Variants in KAT2B observed in about 807,000 individuals in gnomAD.
KAT2B encodes lysine acetyltransferase 2B, also known as histone acetyltransferase KAT2B.
A neutral mutation model predicts 105.9 loss-of-function variants in KAT2B; 36 were observed. The ratio of observed to expected loss-of-function variants is 0.34; its 90% CI spans 0.26 to 0.45. The LOEUF is 0.45. Ranked by LOEUF, KAT2B falls within the 20% of genes least tolerant of loss-of-function variation. KAT2B has a pLI of 1.00. For missense variants in KAT2B, 820 were observed against 1,021.6 expected, an observed-to-expected ratio of 0.80 and a Z score of 2.69; for synonymous variants, 397 against 377.9, an observed-to-expected ratio of 1.05 and a Z score of -0.59.
At chr3:20,147,161 CA>C (rs747019337) in intron 14 of KAT2B, among the ~76,000 whole-genome samples, 11 of 152,106 alleles carry the variant, frequency 7.2e-5, no homozygotes, top group Non-Finnish European at 1.6e-4. Flanking sequence ...TAAACAAAAT[CA>C]AACAAGCAAA....
rs751463932 is a variant in KAT2B, at chr3:20,040,692, C to T, written c.215C>T (p.Ser72Leu). 15 of 1,574,240 alleles carry T rather than the reference C, an allele frequency of 9.5e-6. No homozygotes were observed. Among genetic ancestry groups the T allele is most frequent in the Middle Eastern group, 1.7e-4 (1 of 5,756 alleles). ...GCCGAAGGACCGGGAGGCGGTGGCT[C>T]GGCCCGAATCGCCGTGAAGAAAGCG... The part of the protein sequence containing the change: ...GTAEGPGGGG[S>L]ARIAVKKAQL... Residue 72 changes from serine (S) to leucine (L), a missense_variant, in exon 1 of 18, where the codon TCG (serine) becomes TTG (leucine). Ser to Leu is a moderately radical substitution (Grantham distance 145). Transcript: ENST00000263754.
intron 3 of KAT2B, among the ~76,000 whole-genome samples, chr3:20,099,614 A>G (rs1335598455): frequency 6.6e-6 from 1 of 152,140 alleles, no homozygotes; most frequent in African/African-American, 2.4e-5. Context: ...AAAGGTGTCC[A>G]TTTCTTCATA....
chr3:20,053,468 G>T (rs1420557203), intron 1 of KAT2B, among the ~76,000 whole-genome samples: 6 of 152,208 alleles, frequency 3.9e-5, no homozygotes, highest in Non-Finnish European at 8.8e-5. Flanking sequence ...CCAGGAGGTC[G>T]AGGCTGTGGT....
intron 11 of KAT2B, among the ~76,000 whole-genome samples, chr3:20,134,914 C>G (rs1342378905): frequency 2.0e-5 from 3 of 152,118 alleles, no homozygotes; most frequent in Non-Finnish European, 2.9e-5. Context: ...GTCATATCAA[C>G]ATGTAATAAG....
At chr3:20,110,839 C>T (rs1699108500) in intron 5 of KAT2B, among the ~76,000 whole-genome samples, 1 of 152,090 alleles carries the variant, frequency 6.6e-6, no homozygotes, top group South Asian at 2.1e-4. Flanking sequence ...GTCCTGGCTT[C>T]CCTCTGGTCT....
chr3:20,122,020 G>C (rs1302953535), intron 8 of KAT2B, among the ~76,000 whole-genome samples: 1 of 152,092 alleles, frequency 6.6e-6, no homozygotes, highest in Admixed American at 6.6e-5. Flanking sequence ...ATATGGTGGG[G>C]TGCCGGTGGG....
chr3:20,128,610 A>G (rs1326958424), intron 11 of KAT2B, among the ~76,000 whole-genome samples: 1 of 152,118 alleles, frequency 6.6e-6, no homozygotes, highest in African/African-American at 2.4e-5. Context: ...GTCTGGCGAG[A>G]ATAAACCAGA....
chr3:20,121,584 AG>A (rs1699308099), intron 8 of KAT2B, among the ~76,000 whole-genome samples: 1 of 152,198 alleles, frequency 6.6e-6, no homozygotes, highest in Non-Finnish European at 1.5e-5. Flanking sequence ...GCATCATTTT[AG>A]GGCAAAAAAG....
rs114613816 is a variant in KAT2B, at chr3:20,051,834, G to A, written c.303+11054G>A. ...TATAAATTAGTCTTTTCCGTAATTG[G>A]TATATTTAACAAAATGGGAATTTAC... On this transcript the variant is annotated intron_variant, in intron 1 of 17. Coordinates refer to ENST00000263754, the MANE Select transcript of KAT2B (RefSeq NM_003884.5). Among the ~76,000 whole-genome samples, 527 of 152,312 alleles carry A rather than the reference G, an allele frequency of 3.5e-3. 4 individuals carry two copies. The highest frequency in any genetic ancestry group is 0.012 in the African/African-American group (501 of 41,570).
chr3:20,041,513 T>G (rs1484015038), intron 1 of KAT2B, among the ~76,000 whole-genome samples: 1 of 152,190 alleles, frequency 6.6e-6, no homozygotes, highest in Non-Finnish European at 1.5e-5. Context: ...AGGACACCCA[T>G]TTCTTGCTAC....
Position 20,152,507 on chromosome 3 carries a change from T to C in KAT2B, c.2481T>C (p.Ala827=). ...TCTTCTTCAGTAAAATTAAGGAAGCTGGATTAATTGACAAGTGATTTTTTT... is the reference window on the plus strand; with the variant it reads ...TCTTCTTCAGTAAAATTAAGGAAGCCGGATTAATTGACAAGTGATTTTTTT... The part of the protein sequence containing the change: ...EKFFFSKIKE[A]GLIDK The change falls in exon 18 of 18, where the codon GCT becomes GCC. Residue 827 remains alanine (A), a synonymous_variant. Coordinates refer to ENST00000263754, the MANE Select transcript of KAT2B (RefSeq NM_003884.5). The C allele has an allele frequency of 6.2e-7, 1 of 1,612,790 alleles. No homozygotes were observed. The highest frequency in any genetic ancestry group is 8.5e-7 in the Non-Finnish European group (1 of 1,179,268).
At chr3:20,061,934 A>T (rs1429062611) in intron 1 of KAT2B, among the ~76,000 whole-genome samples, 1 of 110,454 alleles carries the variant, frequency 9.1e-6, no homozygotes, top group Admixed American at 1.1e-4. Flanking sequence ...TATCATATAT[A>T]AAACATAATA....
intron 1 of KAT2B, among the ~76,000 whole-genome samples, chr3:20,062,503 C>G (rs541252467): frequency 7.1e-6 from 1 of 140,608 alleles, no homozygotes; most frequent in South Asian, 2.2e-4. Flanking sequence ...GCTCTGTCAC[C>G]CAGGCTGGAG....
chr3:20,073,805 C>T (rs776110594), intron 2 of KAT2B, among the ~76,000 whole-genome samples: 3 of 152,202 alleles, frequency 2.0e-5, no homozygotes, highest in Non-Finnish European at 4.4e-5. Context: ...GGAAATGTGA[C>T]GTAATAAATG....
At chr3:20,087,953 T>C (rs925795858) in intron 2 of KAT2B, among the ~76,000 whole-genome samples, 1 of 60,370 alleles carries the variant, frequency 1.7e-5, no homozygotes, top group East Asian at 1.3e-3. Context: ...TAAAAAAAAA[T>C]TTTTTTTTGT....
intron 1 of KAT2B, among the ~76,000 whole-genome samples, chr3:20,044,862 C>T (rs1045895967): frequency 9.9e-5 from 15 of 152,038 alleles, no homozygotes; most frequent in Admixed American, 3.3e-4. Context: ...ATTGACTAAG[C>T]GAATGAACCA....
chr3:20,079,295 C>T (rs1023034232), intron 2 of KAT2B, among the ~76,000 whole-genome samples: 1 of 151,026 alleles, frequency 6.6e-6, no homozygotes, highest in African/African-American at 2.4e-5. Flanking sequence ...ACTTCTGCCT[C>T]CCAGGTTCAA....
At chr3:20,051,518 G>A (rs1697916041) in intron 1 of KAT2B, among the ~76,000 whole-genome samples, 1 of 152,214 alleles carries the variant, frequency 6.6e-6, no homozygotes, top group Non-Finnish European at 1.5e-5. Flanking sequence ...AGTGATGGCA[G>A]CTTTCCTAAA....
At chr3:20,110,686 AAAAAAGAAAG>A (rs1355644132) in intron 5 of KAT2B, among the ~76,000 whole-genome samples, 3,941 of 149,672 alleles carry the variant, frequency 0.026, 119 homozygotes, top group East Asian at 0.18. Context: ...AAAAAAAAAA[AAAAAAGAAAG>A]AAAAAGAAAG....
Sources: gnomAD v4.1 joint callset for allele counts (sites outside exome capture counted in the v4.1 genomes callset) on GRCh38, gnomAD v4.1.1 for gene constraint, MANE v1.5 for transcripts, NCBI Gene and HGNC (gene_info 2026-07-23, HGNC 2026-07-21) for gene names.